Variants in DLG1 observed in about 807,000 individuals in gnomAD.
DLG1 encodes the protein discs large MAGUK scaffold protein 1.
Under a neutral mutation model 123.4 loss-of-function variants are expected in DLG1, and 42 were observed. That is an observed-to-expected ratio of 0.34 (90% CI 0.27 to 0.44). The LOEUF is 0.44. Among genes scored for constraint, DLG1 ranks in the 20% least tolerant of loss-of-function variants. The pLI is 1.00. For synonymous variants in DLG1, 317 were observed against 356.2 expected, an observed-to-expected ratio of 0.89 and a Z score of 1.24; for missense variants, 942 against 1,082.6, an observed-to-expected ratio of 0.87 and a Z score of 1.82.
intron 5 of DLG1, among the ~76,000 whole-genome samples, chr3:197,151,363 AATT>A (rs1311350802): frequency 1.3e-5 from 2 of 152,196 alleles, no homozygotes; most frequent in African/African-American, 4.8e-5. Context: ...TTTATACCAT[AATT>A]ATTATGTTAG....
At chr3:197,238,807 C>T (rs1247167174) in intron 4 of DLG1, among the ~76,000 whole-genome samples, 1 of 152,080 alleles carries the variant, frequency 6.6e-6, no homozygotes, top group African/African-American at 2.4e-5. Flanking sequence ...CACAACATAA[C>T]AAAATTTATG....
chr3:197,050,214 A>G (rs1726411474), intron 24 of DLG1, among the ~76,000 whole-genome samples: 1 of 151,826 alleles, frequency 6.6e-6, no homozygotes, highest in Non-Finnish European at 1.5e-5. Flanking sequence ...AAAAATACAA[A>G]AAATTAGCTG....
At chr3:197,131,594 T>TTC (rs1560912246) in intron 10 of DLG1, among the ~76,000 whole-genome samples, 1 of 124,650 alleles carries the variant, frequency 8.0e-6, no homozygotes, top group Non-Finnish European at 1.7e-5. Flanking sequence ...CTTTTTTTTT[T>TTC]TTTTTTTTTT....
intron 14 of DLG1, among the ~76,000 whole-genome samples, chr3:197,094,568 A>G (rs1280504792): frequency 6.6e-6 from 1 of 152,172 alleles, no homozygotes; most frequent in African/African-American, 2.4e-5. Flanking sequence ...CCATTTTCTA[A>G]TAATTGTACC....
chr3:197,044,395 C>G lies in DLG1; in HGVS notation c.*228G>C. ...CCACGTTCTTAATAGCTGGTCAGGC[C>G]ATTCCATCTTCAGTTCTGAAAAATG... On this transcript the variant is annotated 3_prime_UTR_variant, in exon 25 of 25. Transcript: ENST00000667157. The G allele has an allele frequency of 2.8e-6, 1 of 358,492 alleles. No individual in the cohort carries two copies. Among genetic ancestry groups the G allele is most frequent in the South Asian group, 9.7e-5 (1 of 10,272 alleles). The allele number at this position is 358,492 out of a possible 1,614,324, so 22.2% of individuals were successfully genotyped here. A position where few individuals can be genotyped will look rare whatever the true frequency, so the allele number is the denominator to read the frequency against.
At chr3:197,065,912 T>A in intron 20 of DLG1, 103 bp from the exon 21 acceptor site, 1 of 699,492 alleles carries the variant, frequency 1.4e-6, no homozygotes, top group Non-Finnish European at 2.3e-6. Flanking sequence ...TATGACTAAT[T>A]TTTTTCTTCC....
In DLG1 at chr3:197,044,747, A is replaced by G. The variant is rs377428442; in HGVS notation, c.2576-18T>C. On this transcript the variant is annotated intron_variant, in intron 24 of 24. Coordinates refer to ENST00000667157, the MANE Select transcript of DLG1 (RefSeq NM_001366207.1). ...TACAATAGCTGTAATGATAGAAACA[A>G]AATCAGAAATCTCCATTAATTGTCT... is the stretch of plus-strand genomic sequence containing the variant. 7.1e-7 allele frequency: 1 copy of G among 1,405,312 alleles called. No homozygotes were observed. Among genetic ancestry groups the G allele is most frequent in the Non-Finnish European group, 9.7e-7 (1 of 1,027,212 alleles). The allele number at this position is 1,405,312 out of a possible 1,614,324, so 87.1% of individuals were successfully genotyped here.
chr3:197,107,346 C>G (rs1767076029), intron 13 of DLG1, among the ~76,000 whole-genome samples: 1 of 152,136 alleles, frequency 6.6e-6, no homozygotes, highest in East Asian at 1.9e-4. Flanking sequence ...AGATCGAGAC[C>G]TTCCTGGGTA....
intron 4 of DLG1, among the ~76,000 whole-genome samples, chr3:197,203,568 T>C (rs561034176): frequency 2.6e-4 from 39 of 152,218 alleles, no homozygotes; most frequent in African/African-American, 9.1e-4. Flanking sequence ...AGTACATCAA[T>C]TGCAAATAAT....
intron 13 of DLG1, among the ~76,000 whole-genome samples, chr3:197,114,142 A>G (rs1771709133): frequency 6.6e-6 from 1 of 152,240 alleles, no homozygotes; most frequent in Non-Finnish European, 1.5e-5. Context: ...GAGTACATAC[A>G]ACATGGGAAA....
At chr3:197,148,024 A>G (rs1184352413) in intron 6 of DLG1, among the ~76,000 whole-genome samples, 1 of 151,774 alleles carries the variant, frequency 6.6e-6, no homozygotes, top group East Asian at 1.9e-4. Flanking sequence ...ATAAACACCT[A>G]AAAGTCAATT....
rs1311783172 is a variant in DLG1, at chr3:197,137,981, A to AC, written c.883+240_883+241insG. Among the ~76,000 whole-genome samples, 9 of 151,212 alleles carry AC rather than the reference A, an allele frequency of 6.0e-5. 1 individual carries two copies. The highest frequency in any genetic ancestry group is 5.8e-4 in the East Asian group (3 of 5,162). On this transcript the variant is annotated intron_variant, in intron 9 of 24. Coordinates refer to ENST00000667157, the MANE Select transcript of DLG1 (RefSeq NM_001366207.1). ...GGCAAAACCCTGCCTCAAAAAAACAAACAAAAAAACCCCGCAAAAAAAGGA... is the reference window on the plus strand; with the variant it reads ...GGCAAAACCCTGCCTCAAAAAAACAACACAAAAAAACCCCGCAAAAAAAGGA...
At chr3:197,101,478 C>T (rs1045299931) in intron 14 of DLG1, among the ~76,000 whole-genome samples, 4 of 151,736 alleles carry the variant, frequency 2.6e-5, no homozygotes, top group Non-Finnish European at 4.4e-5. Flanking sequence ...CTCGGCCTCC[C>T]GGGTTCACGC....
intron 4 of DLG1, among the ~76,000 whole-genome samples, chr3:197,251,004 A>T (rs975107391): frequency 1.3e-5 from 2 of 151,002 alleles, no homozygotes; most frequent in African/African-American, 4.9e-5. Flanking sequence ...AAAAAAAGGA[A>T]ATTGAATAGG....
intron 22 of DLG1, among the ~76,000 whole-genome samples, chr3:197,061,585 C>T (rs1203013561): frequency 1.6e-5 from 1 of 64,364 alleles, no homozygotes; most frequent in Non-Finnish European, 3.4e-5. Context: ...GACACAGTTC[C>T]TCAGTCTTTT....
At position 197,261,088 on chromosome 3, in the gene DLG1, T is replaced by C. The variant is rs59145845; in HGVS notation, c.318+21591A>G. On this transcript the variant is annotated intron_variant, in intron 4 of 24. Coordinates refer to ENST00000667157, the MANE Select transcript of DLG1 (RefSeq NM_001366207.1). ...AAAAAAACCACCACAAAAAGATAGT[T>C]ACAACTATGTAACCTTTCAAACTCC... Among the ~76,000 whole-genome samples, 629 of 152,334 alleles carry C rather than the reference T, an allele frequency of 4.1e-3. 2 individuals are homozygous for C. The highest frequency in any genetic ancestry group is 5.2e-3 in the African/African-American group (215 of 41,582).
At chr3:197,129,675 A>C (rs1212402515) in intron 11 of DLG1, among the ~76,000 whole-genome samples, 1 of 152,212 alleles carries the variant, frequency 6.6e-6, no homozygotes, top group African/African-American at 2.4e-5. Flanking sequence ...TCTTTTTGAC[A>C]TATAATGAGA....
At chr3:197,287,639 G>A (rs1395050610) in intron 3 of DLG1, among the ~76,000 whole-genome samples, 1 of 151,822 alleles carries the variant, frequency 6.6e-6, no homozygotes, top group South Asian at 2.1e-4. Context: ...AAAAGGAGGA[G>A]GAAGGGGCAC....
chr3:197,169,474 G>A (rs538328933), intron 5 of DLG1, among the ~76,000 whole-genome samples: 7 of 152,218 alleles, frequency 4.6e-5, no homozygotes, highest in African/African-American at 1.7e-4. Context: ...TGAGAAGTCT[G>A]GAGTGAGGAA....
Sources: allele counts gnomAD v4.1 joint callset (sites outside exome capture counted in the v4.1 genomes callset), GRCh38; gene constraint gnomAD v4.1.1; transcripts MANE v1.5; gene names NCBI Gene and HGNC (gene_info 2026-07-23, HGNC 2026-07-21).